The following ADARB2 variants were observed in gnomAD, a reference collection of about 807,000 sequenced individuals.
ADARB2 encodes the protein inactive double-stranded RNA-specific editase B2.
A neutral mutation model predicts 62.2 loss-of-function variants in ADARB2; 25 were observed. The ratio of observed to expected loss-of-function variants is 0.40; its 90% CI spans 0.29 to 0.56. The LOEUF (loss-of-function observed/expected upper bound fraction) is 0.56. ADARB2 is among the 20% of genes least tolerant of loss of function. ADARB2 has a pLI of 0.43. For synonymous variants in ADARB2, 572 were observed against 500.8 expected (o/e 1.14, Z -1.90); for missense variants, 1,071 against 1,077.4 (o/e 0.99, Z 0.08).
chr10:1,305,629 T>G (rs1398607538), intron 3 of ADARB2, among the ~76,000 whole-genome samples: 1 of 151,780 alleles, frequency 6.6e-6, no homozygotes, highest in Non-Finnish European at 1.5e-5. Flanking sequence ...ATATCCTTGA[T>G]GAACATTGAT....
intron 1 of ADARB2, among the ~76,000 whole-genome samples, chr10:1,617,073 G>T (rs1467361509): frequency 4.8e-5 from 7 of 146,426 alleles, no homozygotes; most frequent in Non-Finnish European, 9.0e-5. Flanking sequence ...ACCTCAGAGG[G>T]TTACATTCTG....
At chr10:1,629,108 A>C (rs75923407) in intron 1 of ADARB2, among the ~76,000 whole-genome samples, 4,427 of 152,330 alleles carry the variant, frequency 0.029, 137 homozygotes, top group African/African-American at 0.076. Flanking sequence ...TCCCCTAGCA[A>C]CACAGAGTCC....
chr10:1,471,600 T>C (rs1287580727), intron 1 of ADARB2, among the ~76,000 whole-genome samples: 1 of 152,084 alleles, frequency 6.6e-6, no homozygotes, highest in East Asian at 1.9e-4. Flanking sequence ...TCCATGTTGG[T>C]CAGGCTGGTC....
intron 1 of ADARB2, among the ~76,000 whole-genome samples, chr10:1,614,936 T>A (rs746981887): frequency 5.8e-4 from 88 of 151,810 alleles, no homozygotes; most frequent in Non-Finnish European, 2.1e-4. Flanking sequence ...AATGCCCTTT[T>A]TGTTTTGGGT....
chr10:1,249,296 G>C (rs1392688787), intron 4 of ADARB2, among the ~76,000 whole-genome samples: 2 of 152,116 alleles, frequency 1.3e-5, no homozygotes, highest in African/African-American at 4.8e-5. Flanking sequence ...ACAAAAAGTA[G>C]CTGGGTGTGG....
intron 8 of ADARB2, among the ~76,000 whole-genome samples, chr10:1,197,499 T>C (rs1382898121): frequency 6.6e-6 from 1 of 152,248 alleles, no homozygotes; most frequent in Non-Finnish European, 1.5e-5. Context: ...GCTGGCCCTT[T>C]TCACACTCCA....
intron 6 of ADARB2, among the ~76,000 whole-genome samples, chr10:1,219,382 C>G (rs879834579): frequency 6.6e-6 from 1 of 152,242 alleles, no homozygotes; most frequent in Non-Finnish European, 1.5e-5. Context: ...TCTGTAAGAG[C>G]TGACATTCTT....
At chr10:1,350,110 A>G (rs1832121848) in intron 3 of ADARB2, among the ~76,000 whole-genome samples, 1 of 152,188 alleles carries the variant, frequency 6.6e-6, no homozygotes, top group Admixed American at 6.5e-5. Flanking sequence ...ACTTGGCCCC[A>G]GTACAAACTT....
chr10:1,563,548 C>T (rs560980480), intron 1 of ADARB2, among the ~76,000 whole-genome samples: 3 of 152,206 alleles, frequency 2.0e-5, no homozygotes, highest in East Asian at 1.9e-4. Context: ...ACTATAATCG[C>T]GCCAGTTTAT....
intron 1 of ADARB2, among the ~76,000 whole-genome samples, chr10:1,546,110 C>T (rs1832515155): frequency 6.6e-6 from 1 of 152,118 alleles, no homozygotes; most frequent in East Asian, 1.9e-4. Flanking sequence ...CCTTTGTGAC[C>T]ACCTGCTGCC....
chr10:1,286,259 G>A (rs1288481128), intron 3 of ADARB2, among the ~76,000 whole-genome samples: 1 of 152,162 alleles, frequency 6.6e-6, no homozygotes, highest in African/African-American at 2.4e-5. Flanking sequence ...GGAGAGTCCA[G>A]CCAAACACAA....
chr10:1,723,161 A>G (rs1482758820), intron 1 of ADARB2, among the ~76,000 whole-genome samples: 1 of 152,202 alleles, frequency 6.6e-6, no homozygotes, highest in Admixed American at 6.5e-5. Flanking sequence ...CCTATGATGT[A>G]GCTTTTACGG....
chr10:1,458,248 C>A (rs927122437), intron 1 of ADARB2, among the ~76,000 whole-genome samples: 2 of 152,096 alleles, frequency 1.3e-5, no homozygotes, highest in Non-Finnish European at 1.5e-5. Context: ...AAATTTCTTG[C>A]GAATACTTCC....
At chr10:1,533,571 ACT>A (rs1258487824) in intron 1 of ADARB2, among the ~76,000 whole-genome samples, 3 of 151,994 alleles carry the variant, frequency 2.0e-5, no homozygotes, top group Admixed American at 2.0e-4. Flanking sequence ...CCACGTCCTG[ACT>A]CTGCGATGCC....
At chr10:1,574,419 G>A (rs1052778800) in intron 1 of ADARB2, among the ~76,000 whole-genome samples, 3 of 152,308 alleles carry the variant, frequency 2.0e-5, no homozygotes, top group Admixed American at 6.5e-5. Context: ...GCCAGAGGAC[G>A]GGTTAGAAGT....
intron 3 of ADARB2, among the ~76,000 whole-genome samples, chr10:1,346,295 G>C (rs1403212345): frequency 6.6e-6 from 1 of 152,220 alleles, no homozygotes; most frequent in Non-Finnish European, 1.5e-5. Flanking sequence ...GGCAGTGAAG[G>C]AGATGGGGCT....
intron 1 of ADARB2, among the ~76,000 whole-genome samples, chr10:1,383,844 T>A (rs1474545841): frequency 6.6e-6 from 1 of 152,254 alleles, no homozygotes; most frequent in Non-Finnish European, 1.5e-5. Context: ...CTTAAGGAGA[T>A]CCTCATTTTC....
At chr10:1,471,094 T>C (rs1447376170) in intron 1 of ADARB2, among the ~76,000 whole-genome samples, 1 of 152,082 alleles carries the variant, frequency 6.6e-6, no homozygotes, top group Non-Finnish European at 1.5e-5. Context: ...ACACCTCCCA[T>C]TTCTTAACAG....
At chr10:1,511,491 G>C (rs1163128763) in intron 1 of ADARB2, among the ~76,000 whole-genome samples, 1 of 152,098 alleles carries the variant, frequency 6.6e-6, no homozygotes, top group African/African-American at 2.4e-5. Context: ...AGGGATTCCT[G>C]TGGAATGGGG....
Sources: allele counts gnomAD v4.1 joint callset (sites outside exome capture counted in the v4.1 genomes callset), GRCh38; gene constraint gnomAD v4.1.1; transcripts MANE v1.5; gene names NCBI Gene and HGNC (gene_info 2026-07-23, HGNC 2026-07-21).